Variants in ZMYM2 observed in about 807,000 individuals in gnomAD.
ZMYM2 encodes zinc finger MYM-type protein 2.
In ZMYM2, 56 loss-of-function variants were observed where a neutral mutation model predicts 162.8. The ratio of observed to expected loss-of-function variants is 0.34; its 90% CI spans 0.28 to 0.43. ZMYM2 has a LOEUF of 0.43. Ranked by LOEUF, ZMYM2 falls within the 20% of genes least tolerant of loss-of-function variation. The pLI, the probability that ZMYM2 is intolerant of heterozygous loss-of-function variation, is 1.00. For missense variants in ZMYM2, 1,275 were observed against 1,621.8 expected (o/e 0.79, Z 3.67); for synonymous variants, 510 against 541.6 (o/e 0.94, Z 0.81).
intron 20 of ZMYM2, 69 bp downstream of exon 20, chr13:20,067,088 A>C: frequency 6.9e-7 from 1 of 1,455,952 alleles, no homozygotes; most frequent in Non-Finnish European, 9.2e-7. Context: ...GAGTACCTTT[A>C]AATTTAAAAA....
At chr13:19,877,231 A>C in the ZMYM2 span, among the ~76,000 whole-genome samples, 2 of 151,488 alleles carry the variant, frequency 1.3e-5, no homozygotes, top group Admixed American at 6.6e-5. Context: ...AAAAAAAACA[A>C]AGAAGTTTAT....
In ZMYM2 at chr13:20,082,029, G is replaced by A; in HGVS notation, c.3467G>A (p.Ser1156Asn). ...TTTTTTTTATAGTATTTGTGTGGAA[G>A]TAATCGAAAAGACAACATATTTATT... is the stretch of plus-strand genomic sequence containing the variant. ...CLGIQEYLCG[S>N]NRKDNIFIDP... Residue 1156 changes from serine (S) to asparagine (N), a missense_variant, in exon 22 of 25, where the codon AGT becomes AAT. Physicochemically the swap from Ser to Asn is conservative, Grantham distance 46. Transcript: ENST00000610343. 2 of 1,578,636 alleles carry A rather than the reference G, an allele frequency of 1.3e-6. No homozygotes were observed. Among genetic ancestry groups the A allele is most frequent in the Non-Finnish European group, 1.7e-6 (2 of 1,163,774 alleles).
the ZMYM2 span, among the ~76,000 whole-genome samples, chr13:19,901,350 A>G: frequency 6.6e-6 from 1 of 152,218 alleles, no homozygotes; most frequent in Non-Finnish European, 1.5e-5. Context: ...CAGATTTTTC[A>G]CAATAGTCAA....
At chr13:20,008,602 T>G (rs1055937932) in intron 6 of ZMYM2, among the ~76,000 whole-genome samples, 1 of 152,252 alleles carries the variant, frequency 6.6e-6, no homozygotes, top group African/African-American at 2.4e-5. Flanking sequence ...CCTAATCTAT[T>G]GAGCCATCCT....
At chr13:19,885,044 C>G in the ZMYM2 span, among the ~76,000 whole-genome samples, 1 of 152,180 alleles carries the variant, frequency 6.6e-6, no homozygotes, top group African/African-American at 2.4e-5. Context: ...TAGCTAGACA[C>G]AGAGTGCTGA....
the ZMYM2 span, among the ~76,000 whole-genome samples, chr13:19,892,371 A>T: frequency 1.3e-5 from 2 of 151,646 alleles, no homozygotes; most frequent in African/African-American, 4.9e-5. Flanking sequence ...TCCTGGGTTC[A>T]CGCCATTCTC....
At chr13:20,067,044 C>T (rs755034217) in intron 20 of ZMYM2, 25 bp downstream of exon 20, 29 of 1,553,406 alleles carry the variant, frequency 1.9e-5, no homozygotes, top group Non-Finnish European at 2.3e-5. Flanking sequence ...TTTGTTTCTC[C>T]TAAGTCCTAT....
chr13:19,945,417 A>G, the ZMYM2 span, among the ~76,000 whole-genome samples: 1 of 151,904 alleles, frequency 6.6e-6, no homozygotes, highest in African/African-American at 2.4e-5. Flanking sequence ...ACTCCTGGCT[A>G]ATTTTCCTAT....
chr13:20,054,119 C>A (rs1004215480), intron 14 of ZMYM2, among the ~76,000 whole-genome samples: 1 of 152,240 alleles, frequency 6.6e-6, no homozygotes, highest in Non-Finnish European at 1.5e-5. Context: ...CCTCTCCCAT[C>A]TTTTCTTTGT....
intron 7 of ZMYM2, among the ~76,000 whole-genome samples, chr13:20,021,442 G>C (rs1335696761): frequency 6.8e-6 from 1 of 147,302 alleles, no homozygotes; most frequent in Non-Finnish European, 1.5e-5. Flanking sequence ...CACATTATTG[G>C]TTGCTGGATT....
At chr13:19,887,064 AG>A in the ZMYM2 span, among the ~76,000 whole-genome samples, 1 of 151,808 alleles carries the variant, frequency 6.6e-6, no homozygotes, top group Admixed American at 6.6e-5. Flanking sequence ...TTGCATCTAG[AG>A]GTTTAATCAT....
At chr13:19,915,864 CTTT>C in the ZMYM2 span, among the ~76,000 whole-genome samples, 920 of 143,950 alleles carry the variant, frequency 6.4e-3, 8 homozygotes, top group African/African-American at 0.022. Flanking sequence ...TGAAATGACA[CTTT>C]TTTTTTTTTT....
intron 2 of ZMYM2, chr13:19,965,380 G>A (rs1955652961): frequency 1.7e-6 from 1 of 599,500 alleles, no homozygotes; most frequent in African/African-American, 2.0e-5. Flanking sequence ...TCATTTCAAA[G>A]AGGTATGTCT....
chr13:19,995,754 G>A (rs1397485302), intron 3 of ZMYM2, among the ~76,000 whole-genome samples: 2 of 152,066 alleles, frequency 1.3e-5, no homozygotes, highest in African/African-American at 4.8e-5. Flanking sequence ...CTTGTTCTGT[G>A]AAAACTTTAA....
intron 2 of ZMYM2, among the ~76,000 whole-genome samples, chr13:19,970,639 A>G (rs1451459498): frequency 6.6e-6 from 1 of 150,376 alleles, no homozygotes; most frequent in Non-Finnish European, 1.5e-5. Context: ...CCTCTCAGAA[A>G]GGTTATTTGT....
At chr13:19,994,948 G>A (rs1021604723) in intron 3 of ZMYM2, among the ~76,000 whole-genome samples, 23 of 150,366 alleles carry the variant, frequency 1.5e-4, no homozygotes, top group African/African-American at 5.6e-4. Context: ...TCCTTCCATC[G>A]CAGCCTCCAG....
At chr13:20,067,570 G>T (rs1186645738) in intron 21 of ZMYM2, among the ~76,000 whole-genome samples, 180 bp downstream of exon 21, 1 of 152,144 alleles carries the variant, frequency 6.6e-6, no homozygotes, top group African/African-American at 2.4e-5. Context: ...CTTACCCATT[G>T]CAGATAAGTG....
At chr13:19,884,242 T>C in the ZMYM2 span, among the ~76,000 whole-genome samples, 2 of 152,056 alleles carry the variant, frequency 1.3e-5, no homozygotes, top group Non-Finnish European at 2.9e-5. Flanking sequence ...AGTAGGGTTG[T>C]GTCCAGTATT....
intron 14 of ZMYM2, among the ~76,000 whole-genome samples, chr13:20,057,437 C>G (rs1955885383): frequency 6.6e-6 from 1 of 152,110 alleles, no homozygotes; most frequent in Non-Finnish European, 1.5e-5. Context: ...TGCCCCCGGC[C>G]AGCTTTTGTA....
Sources: gnomAD v4.1 joint callset for allele counts (sites outside exome capture counted in the v4.1 genomes callset) on GRCh38, gnomAD v4.1.1 for gene constraint, MANE v1.5 for transcripts, NCBI Gene and HGNC (gene_info 2026-07-23, HGNC 2026-07-21) for gene names.